The following ZRANB3 variants were observed in gnomAD, a reference collection of about 807,000 sequenced individuals.
The protein encoded by ZRANB3 is DNA annealing helicase and endonuclease ZRANB3.
In ZRANB3, 125 loss-of-function variants were observed where a neutral mutation model predicts 133.8. The ratio of observed to expected loss-of-function variants is 0.93; its 90% confidence interval spans 0.81 to 1.08. ZRANB3 has a LOEUF of 1.08. Ranked by LOEUF, ZRANB3 falls within the 50% of genes least tolerant of loss-of-function variation. ZRANB3 has a pLI of 0.00. For synonymous variants in ZRANB3, 387 were observed against 432.7 expected (o/e 0.89, Z 1.31); for missense variants, 1,229 against 1,275.5 (o/e 0.96, Z 0.56).
chr2:135,356,255 A>C (rs545397479), intron 3 of ZRANB3, among the ~76,000 whole-genome samples: 1 of 152,314 alleles, frequency 6.6e-6, no homozygotes, highest in South Asian at 2.1e-4. Flanking sequence ...AACATACTAC[A>C]TTCTTAAAAA....
At chr2:135,313,365 A>AG in intron 8 of ZRANB3, 124 bp downstream of exon 8, 1 of 646,634 alleles carries the variant, frequency 1.5e-6, no homozygotes. Flanking sequence ...AAAAAAAAAA[A>AG]AAAAAGAGTT....
chr2:135,244,107 C>CAA (rs566334496), intron 12 of ZRANB3, among the ~76,000 whole-genome samples: 1,579 of 121,464 alleles, frequency 0.013, 25 homozygotes, highest in African/African-American at 0.04. Flanking sequence ...ATTTCCCCAC[C>CAA]AAAAAAAAAA....
chr2:135,405,793 C>T (rs1259017838), intron 2 of ZRANB3, among the ~76,000 whole-genome samples: 2 of 152,128 alleles, frequency 1.3e-5, no homozygotes, highest in Non-Finnish European at 2.9e-5. Context: ...ACACAACACA[C>T]CAGAATCTCT....
chr2:135,523,385 A>G (rs981768325), intron 1 of ZRANB3, among the ~76,000 whole-genome samples: 1 of 152,156 alleles, frequency 6.6e-6, no homozygotes, highest in Non-Finnish European at 1.5e-5. Context: ...TGGTTTCCTT[A>G]AAGTACTTAT....
At chr2:135,443,222 C>T (rs1354867944) in intron 2 of ZRANB3, among the ~76,000 whole-genome samples, 1 of 151,964 alleles carries the variant, frequency 6.6e-6, no homozygotes, top group Non-Finnish European at 1.5e-5. Context: ...ATGTCCTTTA[C>T]AGGGACATGG....
chr2:135,463,578 C>G (rs966877818), intron 2 of ZRANB3, among the ~76,000 whole-genome samples: 2 of 151,956 alleles, frequency 1.3e-5, no homozygotes, highest in Non-Finnish European at 2.9e-5. Context: ...CCACCACGCC[C>G]GGCTAATTTT....
intron 8 of ZRANB3, 53 bp downstream of exon 8, chr2:135,313,436 G>A: frequency 1.8e-6 from 2 of 1,130,304 alleles, no homozygotes; most frequent in South Asian, 1.6e-5. Flanking sequence ...AACAGTAAAA[G>A]ACATTGAATA....
At chr2:135,272,634 C>A (rs940208403) in intron 9 of ZRANB3, among the ~76,000 whole-genome samples, 1 of 151,716 alleles carries the variant, frequency 6.6e-6, no homozygotes, top group African/African-American at 2.4e-5. Context: ...AGGATGGTCT[C>A]CATCTCCTGA....
intron 3 of ZRANB3, among the ~76,000 whole-genome samples, chr2:135,360,931 TTTGG>T (rs576053372): frequency 2.6e-3 from 343 of 132,452 alleles, no homozygotes; most frequent in African/African-American, 9.7e-3. Context: ...CATGCCTGTT[TTTGG>T]TTTGTTTGTT....
chr2:135,443,613 C>T (rs1371950284), intron 2 of ZRANB3, among the ~76,000 whole-genome samples: 1 of 151,988 alleles, frequency 6.6e-6, no homozygotes, highest in Non-Finnish European at 1.5e-5. Flanking sequence ...GAAACAGATG[C>T]AGCATCTCTG....
intron 2 of ZRANB3, among the ~76,000 whole-genome samples, chr2:135,444,258 T>G (rs1574112730): frequency 6.6e-6 from 1 of 152,194 alleles, no homozygotes; most frequent in Non-Finnish European, 1.5e-5. Flanking sequence ...TACAACCCAG[T>G]AATCCTACTC....
At chr2:135,459,096 A>G (rs1285417436) in intron 2 of ZRANB3, among the ~76,000 whole-genome samples, 1 of 152,156 alleles carries the variant, frequency 6.6e-6, no homozygotes, top group Non-Finnish European at 1.5e-5. Context: ...ACTGATAAAA[A>G]CTAAATGAAA....
rs115073775 is a variant in ZRANB3, at chr2:135,495,204, C to T, written c.161+9125G>A. Among the ~76,000 whole-genome samples the T allele has an allele frequency of 3.2e-3, 485 of 151,704 alleles. 13 individuals are homozygous for T. The highest frequency in any genetic ancestry group is 0.029 in the Admixed American group (445 of 15,242). ...GATTGTGCCATTGCACTCCAGCCTA[C>T]GTGACAGAGTGAGATCATGTTTCTA... is the stretch of plus-strand genomic sequence containing the variant. On this transcript the variant is annotated intron_variant, in intron 2 of 20. Coordinates refer to ENST00000264159, the MANE Select transcript of ZRANB3 (RefSeq NM_032143.4).
At chr2:135,322,602 T>C (rs1011807659) in intron 6 of ZRANB3, among the ~76,000 whole-genome samples, 1 of 151,922 alleles carries the variant, frequency 6.6e-6, no homozygotes, top group South Asian at 2.1e-4. Flanking sequence ...CCTGTAGTCC[T>C]CCCTACTTGG....
At chr2:135,291,434 C>T (rs1040420435) in intron 8 of ZRANB3, among the ~76,000 whole-genome samples, 6 of 152,048 alleles carry the variant, frequency 3.9e-5, no homozygotes, top group East Asian at 1.9e-4. Flanking sequence ...CCAGCCCCCT[C>T]GGCCTCCCAA....
chr2:135,420,091 T>TTTTA (rs1176174180), intron 2 of ZRANB3, among the ~76,000 whole-genome samples: 1 of 72,472 alleles, frequency 1.4e-5, no homozygotes. Flanking sequence ...TATCTTAGAT[T>TTTTA]TATATATATA....
At chr2:135,390,718 G>A in intron 3 of ZRANB3, 84 bp downstream of exon 3, 2 of 1,513,320 alleles carry the variant, frequency 1.3e-6, no homozygotes, top group Non-Finnish European at 1.8e-6. Context: ...TAGTCATATG[G>A]AGAAAGAGTA....
At position 135,241,385 on chromosome 2, in the gene ZRANB3, G is replaced by A. The variant is rs556326770; in HGVS notation, c.1540-10458C>T. Among the ~76,000 whole-genome samples, 437 of 122,268 alleles carry A rather than the reference G, an allele frequency of 3.6e-3. 2 individuals carry two copies. Among genetic ancestry groups the A allele is most frequent in the African/African-American group, 0.013 (405 of 31,742 alleles). 80.2% of individuals were successfully genotyped at this position (122,268 alleles called of 152,430 possible). On this transcript the variant is annotated intron_variant, in intron 12 of 20. Coordinates refer to ENST00000264159, the MANE Select transcript of ZRANB3 (RefSeq NM_032143.4). ...CTGTTCTTTTTTTTTTTTTTTTACC[G>A]TATTCTCATTTTATTTTTATGGGCA...
chr2:135,375,899 T>C (rs1686409936), intron 3 of ZRANB3, among the ~76,000 whole-genome samples: 1 of 152,154 alleles, frequency 6.6e-6, no homozygotes, highest in Admixed American at 6.5e-5. Flanking sequence ...ATGGGTTGAA[T>C]TGGGTAACTC....
Sources: allele counts gnomAD v4.1 joint callset (sites outside exome capture counted in the v4.1 genomes callset), GRCh38; gene constraint gnomAD v4.1.1; transcripts MANE v1.5; gene names NCBI Gene and HGNC (gene_info 2026-07-23, HGNC 2026-07-21).